Variants in NSD1 observed in about 807,000 individuals in gnomAD.
NSD1 encodes the protein histone-lysine N-methyltransferase, H3 lysine-36 specific.
In NSD1, 26 loss-of-function variants were observed where a neutral mutation model predicts 242.7. The ratio of observed to expected loss-of-function variants is 0.11; its 90% CI spans 0.08 to 0.15. The LOEUF (loss-of-function observed/expected upper bound fraction) is 0.15, where lower values mean the gene tolerates loss of function less well. NSD1 is among the 10% of genes least tolerant of loss of function. The pLI is 1.00. For missense variants in NSD1, 2,495 were observed against 3,272.8 expected, an observed-to-expected ratio of 0.76 and a Z score of 5.80; for synonymous variants, 1,106 against 1,178.1, an observed-to-expected ratio of 0.94 and a Z score of 1.25.
rs186917815 is a variant in NSD1, at chr5:177,193,500, C to T, written c.1063+1481C>T. On this transcript the variant is annotated intron_variant, in intron 3 of 22. Coordinates refer to ENST00000439151, the MANE Select transcript of NSD1 (RefSeq NM_022455.5). ...CCATGTTGGCCAGGCTGGTCTTGAA[C>T]TCCTGACCTCAGGTGATCCTCCTTC... Among the ~76,000 whole-genome samples the T allele has an allele frequency of 1.6e-4, 24 of 152,202 alleles. No homozygotes were observed. The East Asian group carries it at 3.9e-3, about 25-fold the overall frequency.
In NSD1 at chr5:177,264,318, T is replaced by C. The variant is rs1445920431; in HGVS notation, c.5147-3244T>C. 2.6e-5 allele frequency among the ~76,000 whole-genome samples: 4 copies of C among 152,300 alleles called. No individual in the cohort carries two copies. In the East Asian group the frequency reaches 7.7e-4, roughly 29 times the overall value. Reference sequence around the variant, plus strand: ...AAATAGAAGACAGATCAATGAATTTTAGTGTAGTCATTTTAAGTTTAGTGA... The same window carrying C: ...AAATAGAAGACAGATCAATGAATTTCAGTGTAGTCATTTTAAGTTTAGTGA... On this transcript the variant is annotated intron_variant, in intron 14 of 22. Transcript: ENST00000439151.
chr5:177,241,364 G>T (rs976507336), intron 8 of NSD1, among the ~76,000 whole-genome samples: 2 of 151,742 alleles, frequency 1.3e-5, no homozygotes, highest in Non-Finnish European at 2.9e-5. Flanking sequence ...AAATGGCTGG[G>T]CGTCGTGGTA....
intron 17 of NSD1, among the ~76,000 whole-genome samples, chr5:177,274,820 A>T (rs1758233968): frequency 6.6e-6 from 1 of 151,824 alleles, no homozygotes; most frequent in African/African-American, 2.4e-5. Flanking sequence ...TGCAACATCC[A>T]TCTCCCAGGT....
chr5:177,239,423 C>G (rs1008164196), intron 7 of NSD1, among the ~76,000 whole-genome samples: 3 of 152,170 alleles, frequency 2.0e-5, no homozygotes, highest in Admixed American at 1.3e-4. Context: ...GATCCAAGTT[C>G]TATTTCACTC....
chr5:177,255,879 A>C (rs1015016959), intron 12 of NSD1, among the ~76,000 whole-genome samples: 3 of 152,022 alleles, frequency 2.0e-5, no homozygotes, highest in Non-Finnish European at 4.4e-5. Context: ...GTGGTTTTTG[A>C]CTTTTTATTA....
intron 2 of NSD1, among the ~76,000 whole-genome samples, chr5:177,173,911 T>A (rs1759946726): frequency 6.6e-6 from 1 of 152,244 alleles, no homozygotes; most frequent in African/African-American, 2.4e-5. Flanking sequence ...TAAGCACATT[T>A]AATATGTTAA....
intron 2 of NSD1, among the ~76,000 whole-genome samples, chr5:177,149,509 G>A (rs987401224): frequency 2.0e-5 from 3 of 151,986 alleles, no homozygotes; most frequent in Admixed American, 1.3e-4. Flanking sequence ...TTTGTATGGT[G>A]GATTCCATGC....
intron 2 of NSD1, among the ~76,000 whole-genome samples, chr5:177,150,427 G>C (rs1000067308): frequency 1.3e-5 from 2 of 152,106 alleles, no homozygotes; most frequent in Non-Finnish European, 2.9e-5. Context: ...ACCGCGCCCT[G>C]CCACAAACCA....
At chr5:177,260,249 T>C in intron 14 of NSD1, 81 bp downstream of exon 14, 1 of 1,328,100 alleles carries the variant, frequency 7.5e-7, no homozygotes, top group Non-Finnish European at 1.1e-6. Flanking sequence ...ATACTTTTCA[T>C]CATATTGCCA....
intron 2 of NSD1, among the ~76,000 whole-genome samples, chr5:177,166,775 C>T (rs960809192): frequency 1.3e-4 from 18 of 141,148 alleles, no homozygotes; most frequent in East Asian, 2.0e-4. Context: ...GAGATGGAGT[C>T]TCGTTCTGTC....
chr5:177,134,109 G>GCCCCCCCCCCCCCCCCCC lies in NSD1; in HGVS notation c.-18+159_-18+160insCCCCCCCCCCCCCCCCCC, dbSNP rs1366296497. The GCCCCCCCCCCCCCCCCCC allele has an allele frequency of 6.8e-6, 1 of 147,426 alleles. No individual in the cohort carries two copies. Among genetic ancestry groups the GCCCCCCCCCCCCCCCCCC allele is most frequent in the African/African-American group, 2.5e-5 (1 of 39,818 alleles). The allele number at this position is 147,426 out of a possible 1,614,324, so 9.1% of individuals were successfully genotyped here. ...GTGGCCGGCGGCGCTGCAGCCGCCG[G>GCCCCCCCCCCCCCCCCCC]CCTCCTCCCCCTCCCCCTCCTCCAT... is the stretch of plus-strand genomic sequence containing the variant. On this transcript the variant is annotated intron_variant, in intron 1 of 22. Transcript: ENST00000439151. The surrounding 1 kb of genome is among the most constrained non-coding windows in gnomAD (Gnocchi z 4.2).
At chr5:177,247,478 G>A (rs2077263237) in intron 10 of NSD1, among the ~76,000 whole-genome samples, 1 of 151,498 alleles carries the variant, frequency 6.6e-6, no homozygotes, top group Admixed American at 6.6e-5. Context: ...ATGCCACTCA[G>A]CTCTTTGGGA....
At chr5:177,290,991 T>C (rs1466370559) in intron 21 of NSD1, among the ~76,000 whole-genome samples, 1 of 152,230 alleles carries the variant, frequency 6.6e-6, no homozygotes. Context: ...GAGAGGTCAC[T>C]GTGTGCTCTT....
intron 13 of NSD1, among the ~76,000 whole-genome samples, chr5:177,257,972 C>T (rs1200173975): frequency 1.3e-5 from 1 of 74,532 alleles, no homozygotes; most frequent in Non-Finnish European, 2.9e-5. Flanking sequence ...CCCCCCTGGG[C>T]CTTTTTTTTT....
At chr5:177,273,836 G>T (rs776645612) in intron 17 of NSD1, 52 bp downstream of exon 17, 1 of 1,182,674 alleles carries the variant, frequency 8.5e-7, no homozygotes, top group Non-Finnish European at 1.3e-6. Context: ...GGAATAGCTG[G>T]CTCTTCCCAC....
At chr5:177,192,886 C>G (rs1301717064) in intron 3 of NSD1, among the ~76,000 whole-genome samples, 1 of 152,154 alleles carries the variant, frequency 6.6e-6, no homozygotes, top group Non-Finnish European at 1.5e-5. Context: ...GGCCATTTTT[C>G]TAATGTTTAC....
At chr5:177,174,562 A>C (rs1404345980) in intron 2 of NSD1, among the ~76,000 whole-genome samples, 1 of 150,934 alleles carries the variant, frequency 6.6e-6, no homozygotes, top group Non-Finnish European at 1.5e-5. Flanking sequence ...TACTTATCTG[A>C]ATTTTTTTTT....
chr5:177,204,415 G>A, intron 4 of NSD1, 123 bp downstream of exon 4: 8 of 902,836 alleles, frequency 8.9e-6, no homozygotes, highest in Non-Finnish European at 1.4e-5. Flanking sequence ...GTACAGTGGT[G>A]CAATCTTTGT....
At chr5:177,219,664 A>G (rs1335618893) in intron 5 of NSD1, among the ~76,000 whole-genome samples, 3 of 152,026 alleles carry the variant, frequency 2.0e-5, no homozygotes, top group African/African-American at 4.8e-5. Flanking sequence ...AGTCTTCATA[A>G]ATTTGTTAAG....
Sources: gnomAD v4.1 joint callset for allele counts (sites outside exome capture counted in the v4.1 genomes callset) on GRCh38, gnomAD v4.1.1 for gene constraint, Gnocchi (gnomAD v3.1) non-coding constraint, MANE v1.5 for transcripts, NCBI Gene and HGNC (gene_info 2026-07-23, HGNC 2026-07-21) for gene names.